The following PCDHA2 variants were observed in gnomAD, a reference collection of about 807,000 sequenced individuals.
PCDHA2 encodes the protein protocadherin alpha 2.
In PCDHA2, 58 loss-of-function variants were observed where a neutral mutation model predicts 66.0. The observed-to-expected ratio is 0.88, with a 90% CI of 0.71 to 1.09. The LOEUF (loss-of-function observed/expected upper bound fraction) is 1.09, where lower values mean the gene tolerates loss of function less well. Ranked by LOEUF, PCDHA2 falls within the 50% of genes least tolerant of loss-of-function variation. PCDHA2 has a pLI of 0.00. For missense variants in PCDHA2, 1,267 were observed against 1,242.3 expected (o/e 1.02, Z -0.30); for synonymous variants, 634 against 554.0 (o/e 1.14, Z -2.03).
At chr5:140,976,970 C>A (rs1294728864) in intron 1 of PCDHA2, among the ~76,000 whole-genome samples, 3 of 152,140 alleles carry the variant, frequency 2.0e-5, no homozygotes, top group African/African-American at 7.2e-5. Context: ...CTTTCCTTTT[C>A]CCTGCCTGAT....
chr5:140,877,546 G>T, intron 1 of PCDHA2: 4 of 1,613,794 alleles, frequency 2.5e-6, no homozygotes, highest in Non-Finnish European at 3.4e-6. Flanking sequence ...TCCCGAAGCG[G>T]CTCTGGTGGA....
intron 1 of PCDHA2, chr5:140,876,150 C>A (rs782752906): frequency 5.0e-6 from 8 of 1,613,798 alleles, no homozygotes; most frequent in Non-Finnish European, 2.5e-6. Context: ...CAGGGTCTGT[C>A]CAGATTCAAA....
At chr5:140,967,555 C>G (rs782586326) in intron 1 of PCDHA2, 3 of 1,614,008 alleles carry the variant, frequency 1.9e-6, no homozygotes, top group Non-Finnish European at 2.5e-6. Context: ...CCACTTATCG[C>G]GTCCAGCTAC....
chr5:140,842,961 G>A (rs1778431157), intron 1 of PCDHA2: 1 of 1,594,950 alleles, frequency 6.3e-7, no homozygotes, highest in African/African-American at 1.3e-5. Context: ...CCTCTGGGCA[G>A]CAACGTGACG....
At chr5:140,967,697 G>A (rs1554229803) in intron 1 of PCDHA2, 1 of 1,614,196 alleles carries the variant, frequency 6.2e-7, no homozygotes, top group Admixed American at 1.7e-5. Flanking sequence ...CTTCAGCATA[G>A]ATGCCAGTAC....
chr5:140,830,154 G>T (rs2150182095), intron 1 of PCDHA2: 1 of 1,613,332 alleles, frequency 6.2e-7, no homozygotes, highest in South Asian at 1.1e-5. Flanking sequence ...GGCGCCGCGG[G>T]CCCAGAGGCG....
chr5:140,882,771 T>C (rs148644909), intron 1 of PCDHA2: 19 of 1,614,110 alleles, frequency 1.2e-5, no homozygotes, highest in Non-Finnish European at 1.6e-5. Context: ...AACTCGGCAT[T>C]GACCTACCGA....
chr5:140,882,124 C>T (rs1166492594), intron 1 of PCDHA2: 2 of 1,459,646 alleles, frequency 1.4e-6, no homozygotes, highest in African/African-American at 1.4e-5. Flanking sequence ...CCGTTTCTTT[C>T]TTCCTGCAGA....
intron 1 of PCDHA2, among the ~76,000 whole-genome samples, chr5:140,977,307 G>A (rs1023836424): frequency 6.6e-6 from 1 of 152,304 alleles, no homozygotes; most frequent in Non-Finnish European, 1.5e-5. Context: ...ACAAGCTAAC[G>A]ATAGTGCTCC....
At chr5:140,883,483 C>T (rs1554178423) in intron 1 of PCDHA2, 2 of 1,614,078 alleles carry the variant, frequency 1.2e-6, no homozygotes, top group African/African-American at 2.7e-5. Flanking sequence ...AGAACTACTA[C>T]TCATTAGTGC....
At chr5:140,863,489 C>T (rs1032120656) in intron 1 of PCDHA2, 20 of 450,876 alleles carry the variant, frequency 4.4e-5, no homozygotes, top group Non-Finnish European at 8.4e-5. Context: ...CCAAGGTCAA[C>T]ATTACGGCTT....
chr5:140,827,105 A>G (rs2150146400), intron 1 of PCDHA2, among the ~76,000 whole-genome samples: 7 of 152,210 alleles, frequency 4.6e-5, no homozygotes, highest in Non-Finnish European at 1.0e-4. Flanking sequence ...GTCAGCATGT[A>G]TAGGTGAAAG....
At chr5:140,967,156 G>A (rs1169438367) in intron 1 of PCDHA2, 1 of 1,610,422 alleles carries the variant, frequency 6.2e-7, no homozygotes, top group Admixed American at 1.7e-5. Context: ...ACCCCGTGGC[G>A]GTGAGCGCCG....
chr5:140,818,968 T>C (rs2150102833), intron 1 of PCDHA2, among the ~76,000 whole-genome samples: 1 of 152,362 alleles, frequency 6.6e-6, no homozygotes, highest in African/African-American at 2.4e-5. Context: ...CTCAGGGATA[T>C]GTTAGAACTA....
chr5:140,845,560 A>G (rs2150379954), intron 1 of PCDHA2, among the ~76,000 whole-genome samples: 47 of 149,642 alleles, frequency 3.1e-4, no homozygotes, highest in African/African-American at 1.1e-3. Context: ...GCTTTTAGCT[A>G]TTAAGAATTT....
chr5:140,800,121 T>A (rs1229155370), intron 1 of PCDHA2, among the ~76,000 whole-genome samples: 2 of 152,146 alleles, frequency 1.3e-5, no homozygotes, highest in Admixed American at 6.5e-5. Flanking sequence ...ACGTAATTAC[T>A]TTATATTGTT....
chr5:140,860,413 C>T (rs2046383451), intron 1 of PCDHA2: 1 of 152,018 alleles, frequency 6.6e-6, no homozygotes, highest in African/African-American at 2.4e-5. Context: ...AATAGTAACA[C>T]CATTATCCTG....
intron 1 of PCDHA2, chr5:140,843,356 T>G (rs1228911692): frequency 1.3e-6 from 2 of 1,595,866 alleles, no homozygotes; most frequent in Non-Finnish European, 1.7e-6. Context: ...TCCAAAAGCG[T>G]CATCGAGGCA....
intron 1 of PCDHA2, among the ~76,000 whole-genome samples, chr5:140,885,154 T>C (rs1483016887): frequency 2.0e-5 from 3 of 152,168 alleles, no homozygotes; most frequent in African/African-American, 7.2e-5. Context: ...GTTTTGATTG[T>C]CTCTACTTTT....
Sources: allele counts gnomAD v4.1 joint callset (sites outside exome capture counted in the v4.1 genomes callset), GRCh38; gene constraint gnomAD v4.1.1; transcripts MANE v1.5; gene names NCBI Gene and HGNC (gene_info 2026-07-23, HGNC 2026-07-21).